The following ATRX variants were observed in gnomAD, a reference collection of about 807,000 sequenced individuals.
ATRX encodes chromatin remodeler ATRX.
Under a neutral mutation model 172.6 loss-of-function variants are expected in ATRX, and 12 were observed. The observed-to-expected ratio is 0.07, with a 90% CI of 0.04 to 0.11. The LOEUF is 0.11. ATRX is among the 10% of genes least tolerant of loss of function. The probability of loss-of-function intolerance (pLI) is 1.00; values close to 1 mark genes in which losing one functional copy is unlikely to be tolerated. For synonymous variants in ATRX, 674 were observed against 594.7 expected (o/e 1.13, Z -1.94); for missense variants, 1,368 against 1,767.4 (o/e 0.77, Z 4.05).
intron 22 of ATRX, 90 bp downstream of exon 22, chrX:77,616,523 C>A (rs1557096854): frequency 8.6e-7 from 1 of 1,166,150 alleles, no homozygotes; most frequent in Non-Finnish European, 1.2e-6. Flanking sequence ...TGAAAAAGAA[C>A]AACAGACATA....
At position 77,698,620 on chromosome X, in the gene ATRX, C is replaced by T; in HGVS notation, c.143G>A (p.Ser48Asn). 1 of 1,198,670 alleles carries T rather than the reference C, an allele frequency of 8.3e-7. No homozygotes were observed. The highest frequency in any genetic ancestry group is 1.1e-6 in the Non-Finnish European group (1 of 883,958). ...LAMNQNTDKI[S>N]GSGSNSDMME... ...CATATCAGAGTTACTTCCAGAACCA[C>T]TGATTTTATCTAAAAAAGAAGAAAT... The change falls in exon 3 of 35, where the codon AGT (serine) becomes AAT (asparagine). Residue 48 changes from serine to asparagine, a missense_variant. Physicochemically the swap from Ser to Asn is conservative, Grantham distance 46 (BLOSUM62 1). Coordinates refer to ENST00000373344, the MANE Select transcript of ATRX (RefSeq NM_000489.6).
intron 15 of ATRX, among the ~76,000 whole-genome samples, chrX:77,650,525 T>C (rs2069160062): frequency 9.0e-6 from 1 of 111,417 alleles, no homozygotes; most frequent in Admixed American, 9.5e-5. Flanking sequence ...AGGTAAGAGA[T>C]GTAACATCCA....
intron 1 of ATRX, among the ~76,000 whole-genome samples, chrX:77,724,521 C>T (rs1290815862): frequency 4.5e-5 from 5 of 110,085 alleles, no homozygotes; most frequent in Non-Finnish European, 7.6e-5. Context: ...AGTGAGCTAC[C>T]GTGCCCAGCC....
chrX:77,716,321 AAAATAT>A (rs1248335771), intron 2 of ATRX, among the ~76,000 whole-genome samples: 3 of 38,059 alleles, frequency 7.9e-5, no homozygotes, highest in African/African-American at 2.3e-4. Flanking sequence ...AAAAAAAAAA[AAAATAT>A]ATATATATAT....
Position 77,505,607 on chromosome X carries a change from T to C in ATRX, c.*2744A>G, listed in dbSNP as rs1188540550. ...GACCTCTCAATATTAAATAACTAAATGTGCAAAAGAACCACCATTATATAG... is the reference window on the plus strand; with the variant it reads ...GACCTCTCAATATTAAATAACTAAACGTGCAAAAGAACCACCATTATATAG... On this transcript the variant is annotated 3_prime_UTR_variant, in exon 35 of 35. Coordinates refer to ENST00000373344, the MANE Select transcript of ATRX (RefSeq NM_000489.6). 1 of 172,157 alleles carries C rather than the reference T, an allele frequency of 5.8e-6. No individual in the cohort carries two copies. The highest frequency in any genetic ancestry group is 1.1e-5 in the Non-Finnish European group (1 of 90,195). The allele number at this position is 172,157 out of a possible 1,213,427, so 14.2% of individuals were successfully genotyped here.
intron 30 of ATRX, among the ~76,000 whole-genome samples, chrX:77,551,029 G>A (rs1254523425): frequency 8.1e-5 from 9 of 111,459 alleles, no homozygotes; most frequent in African/African-American, 2.9e-4. Context: ...TCATGAAAAT[G>A]GCCACACTGC....
rs782268958 is a variant in ATRX, at chrX:77,670,415, G to A, written c.3810-5637C>T. On this transcript the variant is annotated intron_variant, in intron 10 of 34. Coordinates refer to ENST00000373344, the MANE Select transcript of ATRX (RefSeq NM_000489.6). ...GTTAAATATTTTAGTAGGGTGTGAG[G>A]CTTTGTTTTAATAAATGTCATATAT... is the stretch of plus-strand genomic sequence containing the variant. Among the ~76,000 whole-genome samples the A allele has an allele frequency of 7.1e-5, 8 of 112,023 alleles. No homozygotes were observed. In the South Asian group the frequency reaches 2.9e-3, roughly 41 times the overall value.
intron 34 of ATRX, among the ~76,000 whole-genome samples, chrX:77,510,774 T>C (rs1416590697): frequency 1.8e-5 from 2 of 111,906 alleles, no homozygotes; most frequent in Admixed American, 1.9e-4. Context: ...TCAGCCGAAG[T>C]AGAATAGAGC....
At chrX:77,701,923 G>A (rs942224109) in intron 2 of ATRX, among the ~76,000 whole-genome samples, 1 of 108,362 alleles carries the variant, frequency 9.2e-6, no homozygotes, top group Admixed American at 1.0e-4. Flanking sequence ...GAAATTTGCC[G>A]GGTGTGGTGG....
chrX:77,680,024 A>G (rs782406407), intron 9 of ATRX, among the ~76,000 whole-genome samples: 1 of 112,008 alleles, frequency 8.9e-6, no homozygotes, highest in African/African-American at 3.2e-5. Flanking sequence ...AGAGGGTACC[A>G]AAGACAATCT....
chrX:77,762,410 G>T, intron 1 of ATRX, among the ~76,000 whole-genome samples: 1 of 106,935 alleles, frequency 9.4e-6, no homozygotes, highest in African/African-American at 3.4e-5. Context: ...ATTCTACTTA[G>T]TTTTAGCTAA....
At chrX:77,527,880 C>T (rs1255924886) in intron 30 of ATRX, among the ~76,000 whole-genome samples, 1 of 111,827 alleles carries the variant, frequency 8.9e-6, no homozygotes, top group Non-Finnish European at 1.9e-5. Flanking sequence ...AGAGTGGACA[C>T]GGCCCAGAGG....
intron 6 of ATRX, among the ~76,000 whole-genome samples, chrX:77,692,483 AAT>A (rs1206411055): frequency 3.6e-5 from 4 of 112,034 alleles, no homozygotes; most frequent in Non-Finnish European, 7.5e-5. Context: ...GAATATATAA[AAT>A]ATGTTATAAA....
At chrX:77,548,081 C>A (rs2064313101) in intron 30 of ATRX, among the ~76,000 whole-genome samples, 1 of 111,612 alleles carries the variant, frequency 9.0e-6, no homozygotes, top group African/African-American at 3.3e-5. Flanking sequence ...TGGCACTATT[C>A]TTATTTTCTT....
chrX:77,591,427 T>C (rs1370668524), intron 26 of ATRX, among the ~76,000 whole-genome samples: 1 of 112,259 alleles, frequency 8.9e-6, no homozygotes, highest in Admixed American at 9.4e-5. Context: ...ATGCTTTAAG[T>C]TTTATTTTTA....
chrX:77,782,875 G>A (rs1440182081), intron 1 of ATRX, among the ~76,000 whole-genome samples: 1 of 111,896 alleles, frequency 8.9e-6, no homozygotes, highest in African/African-American at 3.2e-5. Flanking sequence ...CTGCTGCCCT[G>A]AAGGGAAGGT....
Position 77,780,799 on chromosome X carries a change from G to A in ATRX, c.20+5183C>T, listed in dbSNP as rs151224477. ...TCTACAAAAAAATCAAAAAATTAGCGGGGCATGATGACACACCTGTGGTCC... is the reference window on the plus strand; with the variant it reads ...TCTACAAAAAAATCAAAAAATTAGCAGGGCATGATGACACACCTGTGGTCC... On this transcript the variant is annotated intron_variant, in intron 1 of 34. Transcript: ENST00000373344. Among the ~76,000 whole-genome samples the A allele has an allele frequency of 2.6e-3, 284 of 109,741 alleles. 1 individual carries two copies. The highest frequency in any genetic ancestry group is 0.019 in the Middle Eastern group (4 of 212).
intron 30 of ATRX, among the ~76,000 whole-genome samples, chrX:77,541,540 T>C (rs2063994001): frequency 9.0e-6 from 1 of 111,580 alleles, no homozygotes; most frequent in Non-Finnish European, 1.9e-5. Context: ...CAGGCCAATA[T>C]CCCTGATGAA....
chrX:77,541,719 T>A (rs549776025), intron 30 of ATRX, among the ~76,000 whole-genome samples: 5 of 111,786 alleles, frequency 4.5e-5, no homozygotes, highest in African/African-American at 1.6e-4. Flanking sequence ...ACAAAAACCA[T>A]ATGATTATCT....
Sources: allele counts gnomAD v4.1 joint callset (sites outside exome capture counted in the v4.1 genomes callset), GRCh38; gene constraint gnomAD v4.1.1; transcripts MANE v1.5; gene names NCBI Gene and HGNC (gene_info 2026-07-23, HGNC 2026-07-21).